Variants in FSTL5 observed in about 807,000 individuals in gnomAD.
FSTL5 encodes follistatin-related protein 5.
FSTL5 carries 62 observed loss-of-function variants against 89.1 expected under a neutral mutation model. The ratio of observed to expected loss-of-function variants is 0.70; its 90% CI spans 0.57 to 0.86. FSTL5 has a LOEUF of 0.86. Among genes scored for constraint, FSTL5 ranks in the 40% least tolerant of loss-of-function variants. The probability of loss-of-function intolerance (pLI) is 0.00; values close to 1 mark genes in which losing one functional copy is unlikely to be tolerated. For synonymous variants in FSTL5, 383 were observed against 346.2 expected (o/e 1.11, Z -1.18); for missense variants, 1,057 against 1,001.6 (o/e 1.06, Z -0.75).
At position 161,699,752 on chromosome 4, in the gene FSTL5, A is replaced by G. The variant is rs114280963; in HGVS notation, c.728-43258T>C. ...ATCCTGAGAGCATTCCCATGGTGTT[A>G]CCACGTATTTTTTTTGTGGGACTTG... On this transcript the variant is annotated intron_variant, in intron 6 of 15. Coordinates refer to ENST00000306100, the MANE Select transcript of FSTL5 (RefSeq NM_020116.5). 3.9e-3 allele frequency among the ~76,000 whole-genome samples: 590 copies of G among 152,296 alleles called. 2 individuals carry two copies. The highest frequency in any genetic ancestry group is 0.013 in the African/African-American group (533 of 41,558).
rs1011900475 is a variant in FSTL5, at chr4:161,481,180, G to A, written c.1459-11C>T. On this transcript the variant is annotated splice_polypyrimidine_tract_variant and intron_variant, in intron 12 of 15. Coordinates refer to ENST00000306100, the MANE Select transcript of FSTL5 (RefSeq NM_020116.5). ...GGGACAGACTTCATCCTGTAATTTA[G>A]GAAAGAGAAAATGAAATTTATACCT... 3.3e-5 allele frequency: 52 copies of A among 1,578,412 alleles called. No individual in the cohort carries two copies. Among genetic ancestry groups the A allele is most frequent in the Non-Finnish European group, 4.4e-5 (51 of 1,163,402 alleles).
intron 2 of FSTL5, among the ~76,000 whole-genome samples, chr4:162,096,774 T>A (rs1231471462): frequency 6.6e-6 from 1 of 151,934 alleles, no homozygotes; most frequent in African/African-American, 2.4e-5. Flanking sequence ...ATACATCTCC[T>A]ATATAACTAT....
chr4:162,107,816 A>T (rs1731281520), intron 2 of FSTL5, among the ~76,000 whole-genome samples: 1 of 151,958 alleles, frequency 6.6e-6, no homozygotes, highest in Non-Finnish European at 1.5e-5. Flanking sequence ...CTTTGCTTTT[A>T]CCTGCCTTTA....
At chr4:161,784,556 A>G (rs1741813660) in intron 4 of FSTL5, among the ~76,000 whole-genome samples, 1 of 152,098 alleles carries the variant, frequency 6.6e-6, no homozygotes, top group African/African-American at 2.4e-5. Flanking sequence ...CAAATATGTG[A>G]CTGCCAATGA....
At chr4:161,989,417 C>T (rs1385558098) in intron 3 of FSTL5, among the ~76,000 whole-genome samples, 2 of 151,994 alleles carry the variant, frequency 1.3e-5, no homozygotes, top group African/African-American at 4.8e-5. Flanking sequence ...TACTTTCAAT[C>T]AAGATATCAA....
chr4:162,120,291 T>C (rs1475777586), intron 1 of FSTL5, among the ~76,000 whole-genome samples: 1 of 152,144 alleles, frequency 6.6e-6, no homozygotes, highest in African/African-American at 2.4e-5. Flanking sequence ...GTTTATACTC[T>C]GCTTTAAACA....
intron 4 of FSTL5, among the ~76,000 whole-genome samples, chr4:161,906,833 C>G (rs998129785): frequency 8.6e-5 from 13 of 152,016 alleles, no homozygotes; most frequent in African/African-American, 3.1e-4. Context: ...ATGGAAAGGG[C>G]ATGACATACT....
chr4:162,028,678 A>G (rs1219734370), intron 3 of FSTL5, among the ~76,000 whole-genome samples: 1 of 152,212 alleles, frequency 6.6e-6, no homozygotes, highest in Non-Finnish European at 1.5e-5. Flanking sequence ...GGTATTACTT[A>G]TGCTACTGGC....
Position 161,583,314 on chromosome 4 carries a change from A to C in FSTL5, c.1015+4141T>G, listed in dbSNP as rs141203157. Among the ~76,000 whole-genome samples the C allele has an allele frequency of 6.6e-5, 10 of 152,292 alleles. No individual in the cohort carries two copies. In the East Asian group the frequency reaches 1.9e-3, roughly 29 times the overall value. On this transcript the variant is annotated intron_variant, in intron 8 of 15. Transcript: ENST00000306100. The stretch of plus-strand genomic sequence containing the variant: ...TACAGAATTTCCACAGCCATTTTGA[A>C]GTCACAGGATGAGACTGAGGGTAGA...
chr4:161,467,631 A>G (rs183375686), intron 13 of FSTL5, among the ~76,000 whole-genome samples: 4 of 152,274 alleles, frequency 2.6e-5, no homozygotes, highest in Admixed American at 6.5e-5. Flanking sequence ...ATTTTCAAGT[A>G]TAAAAATGGA....
intron 2 of FSTL5, among the ~76,000 whole-genome samples, chr4:162,042,243 T>C (rs1412196909): frequency 1.3e-5 from 2 of 152,158 alleles, no homozygotes; most frequent in African/African-American, 4.8e-5. Context: ...ATGGGAAATA[T>C]TACTAATGGT....
At chr4:161,523,097 C>T (rs111721204) in intron 10 of FSTL5, among the ~76,000 whole-genome samples, 12 of 152,134 alleles carry the variant, frequency 7.9e-5, no homozygotes, top group East Asian at 1.9e-4. Flanking sequence ...CTTTTATAAA[C>T]GTCTCTAATA....
chr4:161,773,768 G>A (rs1741294127), intron 5 of FSTL5, among the ~76,000 whole-genome samples: 2 of 152,158 alleles, frequency 1.3e-5, no homozygotes, highest in South Asian at 2.1e-4. Flanking sequence ...AACCACTATG[G>A]AAAACAGTGT....
intron 3 of FSTL5, among the ~76,000 whole-genome samples, chr4:161,927,093 A>G (rs1560920975): frequency 6.6e-6 from 1 of 151,830 alleles, no homozygotes; most frequent in Non-Finnish European, 1.5e-5. Flanking sequence ...ACTCAGAAAA[A>G]AGTGATTTTT....
intron 6 of FSTL5, among the ~76,000 whole-genome samples, chr4:161,714,279 A>T: frequency 6.6e-6 from 1 of 152,102 alleles, no homozygotes; most frequent in Non-Finnish European, 1.5e-5. Flanking sequence ...TGTAAATCAA[A>T]ACCTGAAATT....
At chr4:161,996,454 C>A (rs568281250) in intron 3 of FSTL5, among the ~76,000 whole-genome samples, 1 of 152,298 alleles carries the variant, frequency 6.6e-6, no homozygotes, top group South Asian at 2.1e-4. Flanking sequence ...CCCAAACCTC[C>A]CCCACCACTC....
At chr4:161,425,836 T>C (rs1387757744) in intron 15 of FSTL5, among the ~76,000 whole-genome samples, 1 of 152,172 alleles carries the variant, frequency 6.6e-6, no homozygotes, top group African/African-American at 2.4e-5. Flanking sequence ...GATTAGATCC[T>C]ATGTTCCCAA....
intron 15 of FSTL5, among the ~76,000 whole-genome samples, chr4:161,425,304 T>C (rs1732133265): frequency 6.6e-6 from 1 of 152,176 alleles, no homozygotes; most frequent in Non-Finnish European, 1.5e-5. Flanking sequence ...AAATCTACCA[T>C]CTTGATTTAA....
intron 7 of FSTL5, among the ~76,000 whole-genome samples, chr4:161,640,093 T>G (rs565453525): frequency 1.3e-5 from 2 of 152,274 alleles, no homozygotes; most frequent in South Asian, 4.1e-4. Flanking sequence ...GAAAAATTCT[T>G]AGAAAATCTT....
Sources: allele counts gnomAD v4.1 joint callset (sites outside exome capture counted in the v4.1 genomes callset), GRCh38; gene constraint gnomAD v4.1.1; transcripts MANE v1.5; gene names NCBI Gene and HGNC (gene_info 2026-07-23, HGNC 2026-07-21).